ADAM19: variants seen among roughly 807,000 people sequenced by gnomAD.
ADAM19 encodes the protein ADAM metallopeptidase domain 19.
Under a neutral mutation model 114.7 loss-of-function variants are expected in ADAM19, and 65 were observed. The observed-to-expected ratio is 0.57, with a 90% confidence interval of 0.46 to 0.70. The LOEUF (loss-of-function observed/expected upper bound fraction) is 0.70, where lower values mean the gene tolerates loss of function less well. Ranked by LOEUF, ADAM19 falls within the 30% of genes least tolerant of loss-of-function variation. The probability of loss-of-function intolerance (pLI) is 0.00; values close to 1 mark genes in which losing one functional copy is unlikely to be tolerated. For missense variants in ADAM19, 1,063 were observed against 1,204.7 expected (o/e 0.88, Z 1.74); for synonymous variants, 466 against 460.5 (o/e 1.01, Z -0.15).
chr5:157,529,303 T>C (rs1255904791), intron 5 of ADAM19, among the ~76,000 whole-genome samples: 2 of 147,074 alleles, frequency 1.4e-5, no homozygotes, highest in African/African-American at 2.6e-5. Flanking sequence ...CCAGGTTTTT[T>C]AGATCATCAT....
intron 3 of ADAM19, among the ~76,000 whole-genome samples, chr5:157,551,176 A>G (rs1051270351): frequency 1.4e-4 from 21 of 151,978 alleles, no homozygotes; most frequent in African/African-American, 4.6e-4. Flanking sequence ...AAGCCGAGGC[A>G]GGCGAATCAC....
chr5:157,486,696 C>T (rs1228864985), intron 21 of ADAM19, among the ~76,000 whole-genome samples: 1 of 152,024 alleles, frequency 6.6e-6, no homozygotes, highest in Non-Finnish European at 1.5e-5. Context: ...CCTCCCTCTG[C>T]TGGCACTCCT....
intron 3 of ADAM19, among the ~76,000 whole-genome samples, chr5:157,563,842 A>G (rs11465270): frequency 0.2 from 30,414 of 152,186 alleles, 4,206 homozygotes; most frequent in African/African-American, 0.38. Context: ...GAATGAGGTT[A>G]AGAAGATGGA....
At chr5:157,527,199 CTG>C (rs1233482877) in intron 5 of ADAM19, among the ~76,000 whole-genome samples, 1 of 151,988 alleles carries the variant, frequency 6.6e-6, no homozygotes, top group African/African-American at 2.4e-5. Flanking sequence ...ACAAGGGAAA[CTG>C]ACACTTTTTT....
In ADAM19 at chr5:157,491,690, G is replaced by A; in HGVS notation, c.2020C>T (p.Pro674Ser). 11 of 1,583,778 alleles carry A rather than the reference G, an allele frequency of 6.9e-6. No homozygotes were observed. Among genetic ancestry groups the A allele is most frequent in the Non-Finnish European group, 8.6e-6 (10 of 1,163,522 alleles). The change falls in exon 18 of 23, where the codon CCG becomes TCG. Residue 674 changes from proline (P) to serine (S), a missense_variant. By Grantham distance (74) the Pro-to-Ser change is moderately conservative (BLOSUM62 -1). Around this residue, in one of 3 missense-constraint regions of ADAM19, gnomAD observed 424 missense variants for 445.5 expected, o/e 0.95. Transcript: ENST00000257527. The stretch of plus-strand genomic sequence containing the variant: ...TTGCAGAAGGGCGGGGCCCAGCCCG[G>A]CAGGCAGTGGCAGTTCTGGTTGTTG... ...CNNNQNCHCL[P>S]GWAPPFCNTP...
chr5:157,517,666 T>C (rs1756132263), intron 7 of ADAM19, among the ~76,000 whole-genome samples: 1 of 152,212 alleles, frequency 6.6e-6, no homozygotes, highest in Admixed American at 6.5e-5. Context: ...CTGCAAACTC[T>C]GCGATGCCTG....
Position 157,490,345 on chromosome 5 carries a change from G to C in ADAM19, c.2205C>G (p.Pro735=). The C allele has an allele frequency of 6.8e-6, 11 of 1,614,082 alleles. No individual in the cohort carries two copies. Among genetic ancestry groups the C allele is most frequent in the East Asian group, 2.2e-5 (1 of 44,850 alleles). The change falls in exon 19 of 23, where the codon CCC becomes CCG. Residue 735 remains proline (P), a synonymous_variant. Transcript: ENST00000257527. ...GCCTCAGCTTGGAAGGGAGAGCTGA[G>C]GGCTTGAGTTGGCCTAGTTTGTTGT... ...RQNNKLGQLK[P]SALPSKLRQQ...
chr5:157,535,650 C>T (rs6872356), intron 4 of ADAM19, among the ~76,000 whole-genome samples: 26,223 of 152,226 alleles, frequency 0.17, 2,666 homozygotes, highest in African/African-American at 0.26. Context: ...CCAATCCTCT[C>T]TTTCTGAAAG....
At chr5:157,569,708 A>C (rs1027156924) in intron 2 of ADAM19, among the ~76,000 whole-genome samples, 2 of 152,168 alleles carry the variant, frequency 1.3e-5, no homozygotes, top group African/African-American at 4.8e-5. Flanking sequence ...ACAATGTCTG[A>C]AGTCTTTCCT....
intron 3 of ADAM19, among the ~76,000 whole-genome samples, chr5:157,553,664 G>C (rs1757266188): frequency 6.6e-6 from 1 of 152,176 alleles, no homozygotes; most frequent in Non-Finnish European, 1.5e-5. Context: ...ACTTGCAAAT[G>C]TGCTTAAAGA....
At chr5:157,563,874 A>T (rs1757580836) in intron 3 of ADAM19, among the ~76,000 whole-genome samples, 1 of 152,232 alleles carries the variant, frequency 6.6e-6, no homozygotes, top group Admixed American at 6.5e-5. Context: ...CGATGTAGCC[A>T]GGAGACTGTT....
intron 21 of ADAM19, 95 bp downstream of exon 21, chr5:157,488,170 C>A: frequency 7.7e-7 from 1 of 1,304,506 alleles, no homozygotes. Context: ...AGCTCATGAC[C>A]CCACAAGTTT....
chr5:157,559,384 C>A (rs535158461), intron 3 of ADAM19, among the ~76,000 whole-genome samples: 4 of 152,216 alleles, frequency 2.6e-5, no homozygotes, highest in Non-Finnish European at 4.4e-5. Context: ...GGCCAAAGAG[C>A]CTCTGGGCAA....
intron 8 of ADAM19, among the ~76,000 whole-genome samples, chr5:157,510,420 G>A (rs574620255): frequency 5.3e-5 from 8 of 152,308 alleles, no homozygotes; most frequent in Admixed American, 1.3e-4. Context: ...GTTGCGGTGA[G>A]CCAAGATTGT....
At chr5:157,543,427 C>T (rs955414928) in intron 3 of ADAM19, among the ~76,000 whole-genome samples, 2 of 152,268 alleles carry the variant, frequency 1.3e-5, no homozygotes, top group African/African-American at 4.8e-5. Context: ...AGTAACTTCT[C>T]CGTGCCTATG....
At chr5:157,484,282 C>G (rs1318980816) in intron 21 of ADAM19, among the ~76,000 whole-genome samples, 1 of 152,190 alleles carries the variant, frequency 6.6e-6, no homozygotes, top group East Asian at 1.9e-4. Flanking sequence ...CTTTGTGTCT[C>G]TCCATTCCCC....
At chr5:157,560,966 C>T (rs374077429) in intron 3 of ADAM19, among the ~76,000 whole-genome samples, 49 of 152,310 alleles carry the variant, frequency 3.2e-4, no homozygotes, top group African/African-American at 1.2e-3. Flanking sequence ...GTGGCTCTGG[C>T]TCTATGACAT....
intron 13 of ADAM19, among the ~76,000 whole-genome samples, chr5:157,498,263 C>G (rs907334472): frequency 6.6e-6 from 1 of 152,230 alleles, no homozygotes; most frequent in Non-Finnish European, 1.5e-5. Flanking sequence ...GATGCCCAGT[C>G]GCAAGTGTGG....
rs1416150672 is a variant in ADAM19 at position 157,505,756 on chromosome 5, C to T, written c.1043G>A (p.Gly348Asp). The change falls in exon 11 of 23, where the codon GGC becomes GAC. Residue 348 changes from glycine (G) to aspartate (D), a missense_variant. Coordinates refer to ENST00000257527, the MANE Select transcript of ADAM19 (RefSeq NM_033274.5). ...ATCATGGGTCATGCCAAAGTTGTGG[C>T]CCATCTCGTGGGCCATGGTGGCAGC... is the stretch of plus-strand genomic sequence containing the variant. ...GVAATMAHEMGHNFGMTHDSA... is the reference protein window; with the variant it reads ...GVAATMAHEMDHNFGMTHDSA... The T allele has an allele frequency of 1.5e-5, 24 of 1,614,092 alleles. No homozygotes were observed. The highest frequency in any genetic ancestry group is 2.0e-5 in the Non-Finnish European group (24 of 1,179,986).
Sources: allele counts gnomAD v4.1 joint callset (sites outside exome capture counted in the v4.1 genomes callset), GRCh38; gene constraint gnomAD v4.1.1; regional missense constraint gnomAD v4.1.1; transcripts MANE v1.5; gene names NCBI Gene and HGNC (gene_info 2026-07-23, HGNC 2026-07-21).